CNIH3: variants seen among roughly 807,000 people sequenced by gnomAD.
CNIH3 encodes the protein protein cornichon homolog 3.
In CNIH3, 14 loss-of-function variants were observed where a neutral mutation model predicts 24.1. That is an observed-to-expected ratio of 0.58 (90% CI 0.38 to 0.91). The LOEUF is 0.91. CNIH3 is among the 40% of genes least tolerant of loss of function. The probability of loss-of-function intolerance (pLI) is 0.00; values close to 1 mark genes in which losing one functional copy is unlikely to be tolerated. For synonymous variants in CNIH3, 68 were observed against 73.8 expected, an observed-to-expected ratio of 0.92 and a Z score of 0.40; for missense variants, 178 against 196.8, an observed-to-expected ratio of 0.90 and a Z score of 0.57.
rs987975371 is a variant in CNIH3 at position 224,475,044 on chromosome 1, CAAAAAAAAAAGAA to C, written n.203+40198_203+40210del. On this transcript the variant is annotated intron_variant and non_coding_transcript_variant, in intron 1 of 5. Transcript: ENST00000471578. ...TGAGCGACAGAAGGAGACTCCATCT[CAAAAAAAAAAGAA>C]AAAAAAAAAAGAAAATCAGAGGCTG... Among the ~76,000 whole-genome samples the C allele has an allele frequency of 6.5e-5, 6 of 91,842 alleles. No homozygotes were observed. The East Asian group carries it at 1.8e-3, about 27-fold the overall frequency. 60.3% of individuals were successfully genotyped at this position (91,842 alleles called of 152,430 possible).
At chr1:224,699,399 A>G (rs951102608) in intron 3 of CNIH3, among the ~76,000 whole-genome samples, 3 of 152,220 alleles carry the variant, frequency 2.0e-5, no homozygotes, top group South Asian at 2.1e-4. Context: ...AATGTCAGCC[A>G]GGGGTGCCAT....
At chr1:224,625,733 G>A (rs1195657347) in intron 1 of CNIH3, among the ~76,000 whole-genome samples, 1 of 152,154 alleles carries the variant, frequency 6.6e-6, no homozygotes, top group Non-Finnish European at 1.5e-5. Flanking sequence ...GCTGGGGAGA[G>A]GTTGTGAACA....
chr1:224,514,632 A>T (rs1250565727), upstream of CNIH3, among the ~76,000 whole-genome samples: 1 of 152,180 alleles, frequency 6.6e-6, no homozygotes, highest in African/African-American at 2.4e-5. Context: ...GGAGTTCAAG[A>T]ACAGCCTGAG....
At chr1:224,678,450 C>T (rs531884961) in intron 1 of CNIH3, among the ~76,000 whole-genome samples, 5 of 152,196 alleles carry the variant, frequency 3.3e-5, no homozygotes, top group South Asian at 4.1e-4. Context: ...TGTTTAGTAC[C>T]GACAGTACTT....
At chr1:224,730,408 A>C (rs1159591270) in intron 3 of CNIH3, 54 bp from the exon 4 acceptor site, 1 of 1,152,202 alleles carries the variant, frequency 8.7e-7, no homozygotes, top group Non-Finnish European at 1.3e-6. Context: ...CCATAGAAGC[A>C]GGAGTGGCGT....
At chr1:224,723,152 C>T (rs1324729285) in intron 3 of CNIH3, among the ~76,000 whole-genome samples, 1 of 152,108 alleles carries the variant, frequency 6.6e-6, no homozygotes, top group African/African-American at 2.4e-5. Flanking sequence ...CAGGCAGCTC[C>T]CAGGGTGCTG....
intron 5 of CNIH3, chr1:224,587,132 C>A (rs1358311333): frequency 6.6e-6 from 1 of 152,208 alleles, no homozygotes; most frequent in African/African-American, 2.4e-5. Context: ...CCTATACCCA[C>A]GTGTTCTGCC....
chr1:224,510,509 C>T (rs1200944892), intron 1 of CNIH3, among the ~76,000 whole-genome samples: 3 of 147,626 alleles, frequency 2.0e-5, no homozygotes, highest in Non-Finnish European at 3.0e-5. Context: ...AGGCAGGAGG[C>T]TTATTTGAGG....
At chr1:224,538,736 C>T (rs554880628), downstream of CNIH3, among the ~76,000 whole-genome samples, 1 of 151,432 alleles carries the variant, frequency 6.6e-6, no homozygotes, top group Admixed American at 6.6e-5. Context: ...CAGAGCTCAC[C>T]ATAACCTCTA....
At chr1:224,569,068 A>G (rs1053008084) in intron 4 of CNIH3, among the ~76,000 whole-genome samples, 1 of 152,104 alleles carries the variant, frequency 6.6e-6, no homozygotes, top group African/African-American at 2.4e-5. Flanking sequence ...GGGTTTCTCC[A>G]TGTTGGTCAG....
chr1:224,505,992 A>T (rs1162367223), intron 1 of CNIH3, among the ~76,000 whole-genome samples: 1 of 152,208 alleles, frequency 6.6e-6, no homozygotes, highest in Non-Finnish European at 1.5e-5. Flanking sequence ...CTTGTTTGCC[A>T]CTTTGGAAGT....
intron 1 of CNIH3, among the ~76,000 whole-genome samples, chr1:224,617,622 C>G (rs934661169): frequency 4.6e-5 from 7 of 152,234 alleles, no homozygotes; most frequent in Non-Finnish European, 1.0e-4. Flanking sequence ...GGCAATTAGT[C>G]AAGTAGCTAT....
At chr1:224,642,544 G>A (rs74146219) in intron 1 of CNIH3, among the ~76,000 whole-genome samples, 1,885 of 152,234 alleles carry the variant, frequency 0.012, 34 homozygotes, top group African/African-American at 0.043. Flanking sequence ...CTATGATGGT[G>A]TCTGTTTTTC....
chr1:224,479,072 C>T (rs543961695), intron 1 of CNIH3, among the ~76,000 whole-genome samples: 1 of 152,076 alleles, frequency 6.6e-6, no homozygotes, highest in African/African-American at 2.4e-5. Flanking sequence ...ATCATTCCCT[C>T]CCTGGCCCCT....
At chr1:224,485,685 A>C (rs1244030205) in intron 1 of CNIH3, among the ~76,000 whole-genome samples, 3 of 152,092 alleles carry the variant, frequency 2.0e-5, no homozygotes, top group Non-Finnish European at 2.9e-5. Flanking sequence ...TAGAGATAGA[A>C]TCTCACTATG....
At chr1:224,446,012 C>T (rs953281911) in intron 1 of CNIH3, among the ~76,000 whole-genome samples, 4 of 152,092 alleles carry the variant, frequency 2.6e-5, no homozygotes, top group Admixed American at 2.0e-4. Flanking sequence ...AAATCCTTTC[C>T]CCCCTATCTT....
chr1:224,620,724 G>C (rs1369573241), intron 1 of CNIH3, among the ~76,000 whole-genome samples: 1 of 152,070 alleles, frequency 6.6e-6, no homozygotes, highest in African/African-American at 2.4e-5. Flanking sequence ...ATATGGCCGG[G>C]CTCAGTGGCT....
At position 224,498,518 on chromosome 1, in the gene CNIH3, C is replaced by T. The variant is rs1027630050; in HGVS notation, n.204-17223C>T. On this transcript the variant is annotated intron_variant and non_coding_transcript_variant, in intron 1 of 5. Coordinates refer to the CNIH3 transcript ENST00000471578. ...AACCAATGGACAGAAGCTTCCCTGT[C>T]TTCTTTGATGCAGATAAACTATGTT... is the stretch of plus-strand genomic sequence containing the variant. Among the ~76,000 whole-genome samples the T allele has an allele frequency of 7.9e-5, 12 of 152,314 alleles. No homozygotes were observed. The East Asian group carries it at 2.3e-3, about 29-fold the overall frequency.
At chr1:224,454,192 G>A in intron 1 of CNIH3, 1 of 589,836 alleles carries the variant, frequency 1.7e-6, no homozygotes, top group Non-Finnish European at 2.1e-6. Flanking sequence ...TTGAGTAAAA[G>A]GTGCTATGCT....
Sources: allele counts gnomAD v4.1 joint callset (sites outside exome capture counted in the v4.1 genomes callset), GRCh38; gene constraint gnomAD v4.1.1; transcripts MANE v1.5; gene names NCBI Gene and HGNC (gene_info 2026-07-23, HGNC 2026-07-21).